OTUD4: variants seen among roughly 807,000 people sequenced by gnomAD.
The protein encoded by OTUD4 is OTU domain-containing protein 4.
In OTUD4, 24 loss-of-function variants were observed where a neutral mutation model predicts 130.4. That is an observed-to-expected ratio of 0.18 (90% CI 0.13 to 0.26). OTUD4 has a LOEUF of 0.26. Among genes scored for constraint, OTUD4 ranks in the 10% least tolerant of loss-of-function variants. The pLI, the probability that OTUD4 is intolerant of heterozygous loss-of-function variation, is 1.00. For synonymous variants in OTUD4, 420 were observed against 472.5 expected (o/e 0.89, Z 1.44); for missense variants, 1,031 against 1,329.4 (o/e 0.78, Z 3.49).
At chr4:145,155,810 C>A in intron 8 of OTUD4, 124 bp from the exon 9 acceptor site, 2 of 991,848 alleles carry the variant, frequency 2.0e-6, no homozygotes, top group East Asian at 2.6e-5. Context: ...GCCACCAAAT[C>A]AATTTCTGAG....
At chr4:145,165,776 C>G (rs755069453) in intron 3 of OTUD4, among the ~76,000 whole-genome samples, 1 of 152,054 alleles carries the variant, frequency 6.6e-6, no homozygotes, top group Admixed American at 6.5e-5. Flanking sequence ...GCGCCTGGCC[C>G]AAGTTGAGAA....
intron 3 of OTUD4, chr4:145,170,717 G>A (rs1378956046): frequency 2.6e-5 from 4 of 152,142 alleles, no homozygotes; most frequent in Admixed American, 6.5e-5. Flanking sequence ...ATCAGTCATC[G>A]ATCAAACACC....
At chr4:145,179,703 A>ACGCGCAGCCCCGGCCGTGGGCGGCC (rs1752598912) in intron 1 of OTUD4, 112 bp downstream of exon 1, 1 of 1,409,956 alleles carries the variant, frequency 7.1e-7, no homozygotes, top group Non-Finnish European at 9.2e-7. Context: ...CAGCCAGGGC[A>ACGCGCAGCCCCGGCCGTGGGCGGCC]CGCGCAGCCC....
chr4:145,178,800 T>G (rs1215271454), intron 1 of OTUD4, among the ~76,000 whole-genome samples: 1 of 152,088 alleles, frequency 6.6e-6, no homozygotes, highest in Admixed American at 6.5e-5. Context: ...AAATAGAAAT[T>G]TTAAAAGTTA....
rs914081719 is a variant in OTUD4 at position 145,159,751 on chromosome 4, A to T, written c.497-116T>A. The T allele has an allele frequency of 2.1e-5, 19 of 921,468 alleles. No homozygotes were observed. The African/African-American group carries it at 3.2e-4, about 15-fold the overall frequency. 57.1% of individuals were successfully genotyped at this position (921,468 alleles called of 1,614,324 possible). A position where few individuals can be genotyped will look rare whatever the true frequency, so the allele number is the denominator to read the frequency against. On this transcript the variant is annotated intron_variant, in intron 6 of 20. Coordinates refer to ENST00000447906, the MANE Select transcript of OTUD4 (RefSeq NM_001366057.1). ...CTCAGGCTTTTAAAATCCTGACTAG[A>T]TATCTGCTAAACCTTATGGTCAATA...
chr4:145,166,794 G>A (rs1751899781), intron 3 of OTUD4, among the ~76,000 whole-genome samples: 2 of 152,164 alleles, frequency 1.3e-5, no homozygotes, highest in Admixed American at 1.3e-4. Context: ...AGCCGAGATC[G>A]CGCTGCTGCA....
rs909234986 is a variant in OTUD4, at chr4:145,169,321, C to T, written c.294+2349G>A. Among the ~76,000 whole-genome samples, 22 of 152,134 alleles carry T rather than the reference C, an allele frequency of 1.4e-4. 1 individual carries two copies. Among genetic ancestry groups the T allele is most frequent in the African/African-American group, 5.3e-4 (22 of 41,420 alleles). On this transcript the variant is annotated intron_variant, in intron 3 of 20. Transcript: ENST00000447906. ...CTCAAAGCTGACAAAAACATATTCT[C>T]GCACAAGTTTGAAGTACCTTCAAAA...
At chr4:145,156,394 T>C (rs1212005285) in intron 7 of OTUD4, among the ~76,000 whole-genome samples, 1 of 152,150 alleles carries the variant, frequency 6.6e-6, no homozygotes, top group East Asian at 1.9e-4. Context: ...TTAAAAATAC[T>C]CTACATCAGC....
intron 1 of OTUD4, among the ~76,000 whole-genome samples, chr4:145,179,313 T>C (rs1752576389): frequency 6.6e-6 from 1 of 152,192 alleles, no homozygotes; most frequent in Non-Finnish European, 1.5e-5. Context: ...GTTTGCCCAT[T>C]TGATTCAAGT....
intron 7 of OTUD4, among the ~76,000 whole-genome samples, chr4:145,158,855 T>A (rs1326605674): frequency 1.3e-5 from 2 of 152,216 alleles, no homozygotes; most frequent in African/African-American, 4.8e-5. Flanking sequence ...ATATCCTAAT[T>A]TTAGAGTATT....
chr4:145,140,541 A>T lies in OTUD4; in HGVS notation c.2084-550T>A, dbSNP rs117564430. Among the ~76,000 whole-genome samples, 32 of 152,294 alleles carry T rather than the reference A, an allele frequency of 2.1e-4. 1 individual carries two copies. The East Asian group carries it at 6.2e-3, about 29-fold the overall frequency. ...GCATTACTCAAATTTACAGATATAA[A>T]ATTTTGGAAACTAAAAAGGAGGGAG... On this transcript the variant is annotated intron_variant, in intron 19 of 20. Coordinates refer to ENST00000447906, the MANE Select transcript of OTUD4 (RefSeq NM_001366057.1).
At position 145,138,614 on chromosome 4, in the gene OTUD4, G is replaced by A. The variant is rs1311426846; in HGVS notation, c.2161C>T (p.Leu721=). The change falls in exon 21 of 21, where the codon CTG becomes TTG. Residue 721 remains leucine, a synonymous_variant. Coordinates refer to ENST00000447906, the MANE Select transcript of OTUD4 (RefSeq NM_001366057.1). The part of the protein sequence containing the change: ...SCPMWAPHSY[L]YPLHQAYLAA... ...AGGTAGGCCTGGTGCAGAGGGTACA[G>A]GTAAGAATGTGGGGCCCACATAGGA... 2.5e-6 allele frequency: 4 copies of A among 1,613,394 alleles called. No homozygotes were observed. Among genetic ancestry groups the A allele is most frequent in the South Asian group, 2.2e-5 (2 of 90,988 alleles).
At chr4:145,153,528 AATT>A (rs1751156465) in intron 10 of OTUD4, among the ~76,000 whole-genome samples, 1 of 152,250 alleles carries the variant, frequency 6.6e-6, no homozygotes, top group South Asian at 2.1e-4. Context: ...CTATTATTAC[AATT>A]ATTATCTTCC....
chr4:145,178,833 GGAAAA>G (rs894835043), intron 1 of OTUD4, among the ~76,000 whole-genome samples: 1 of 152,114 alleles, frequency 6.6e-6, no homozygotes, highest in African/African-American at 2.4e-5. Flanking sequence ...AAAAGGTGAG[GGAAAA>G]GAAAACAGAA....
Position 145,139,986 on chromosome 4 carries a change from T to C in OTUD4, c.2089A>G (p.Asn697Asp). 1.2e-6 allele frequency: 1 copy of C among 806,690 alleles called. No homozygotes were observed. The highest frequency in any genetic ancestry group is 2.0e-6 in the Non-Finnish European group (1 of 511,008). The allele number at this position is 806,690 out of a possible 1,614,324, so 50.0% of individuals were successfully genotyped here. The change falls in exon 20 of 21, where the codon AAT becomes GAT. Residue 697 changes from asparagine to aspartate, a missense_variant. Physicochemically the swap from Asn to Asp is conservative, Grantham distance 23. This residue lies in a region of OTUD4 where 900 missense variants were observed against 1,095.9 expected (regional missense o/e 0.82). Transcript: ENST00000447906. Reference protein sequence around the residue: ...QTGEDLPKDKNILRFFFNLGV... With the variant: ...QTGEDLPKDKDILRFFFNLGV... ...AGATTGAAGAAGAATCGAAGAATATTCTTATCTAAAAATAAAAGTAATCAC... is the reference window on the plus strand; with the variant it reads ...AGATTGAAGAAGAATCGAAGAATATCCTTATCTAAAAATAAAAGTAATCAC...
Position 145,162,713 on chromosome 4 carries a change from C to T in OTUD4, c.423G>A (p.Leu141=), listed in dbSNP as rs1751640771. ...TENNFPEKVL[L]CFSNGNHYDI... ...CATAATGATTTCCATTTGAAAAACA[C>T]AGTAACACCTGAAAGGGAAAAATAA... is the stretch of plus-strand genomic sequence containing the variant. The change falls in exon 6 of 21, where the codon CTG becomes CTA. Residue 141 remains leucine, a synonymous_variant. Transcript: ENST00000447906. 1.3e-6 allele frequency: 2 copies of T among 1,528,390 alleles called. No individual in the cohort carries two copies. The highest frequency in any genetic ancestry group is 4.6e-5 in the East Asian group (2 of 43,336). The allele number at this position is 1,528,390 out of a possible 1,614,324, so 94.7% of individuals were successfully genotyped here.
rs374463520 is a variant in OTUD4 at position 145,138,069 on chromosome 4, A to T, written c.2706T>A (p.Asp902Glu). The T allele has an allele frequency of 8.7e-6, 14 of 1,614,034 alleles. No homozygotes were observed. The highest frequency in any genetic ancestry group is 1.2e-5 in the Non-Finnish European group (14 of 1,180,020). ...CATCTACTGTTGAAACTGAACCACA[A>T]TCTTTAGACAGATCCAGATTTTCCA... Reference protein sequence around the residue: ...LSLENLDLSKDCGSVSTVDEF... With the variant: ...LSLENLDLSKECGSVSTVDEF... The change falls in exon 21 of 21, where the codon GAT (aspartate) becomes GAA (glutamate). Residue 902 changes from aspartate to glutamate, a missense_variant. Asp to Glu is a conservative substitution (Grantham distance 45). This residue lies in a region of OTUD4 where 900 missense variants were observed against 1,095.9 expected (regional missense o/e 0.82). Coordinates refer to ENST00000447906, the MANE Select transcript of OTUD4 (RefSeq NM_001366057.1).
At chr4:145,144,150 A>T in intron 15 of OTUD4, 149 bp from the exon 16 acceptor site, 1 of 1,026,264 alleles carries the variant, frequency 9.7e-7, no homozygotes, top group Non-Finnish European at 1.5e-6. Flanking sequence ...AGCACTTAAC[A>T]TCCTTTAGCT....
At chr4:145,178,084 T>C (rs1008842691) in intron 1 of OTUD4, 7 of 152,352 alleles carry the variant, frequency 4.6e-5, no homozygotes, top group South Asian at 2.1e-4. Flanking sequence ...TAGTCCCTTA[T>C]GCCTAACCTA....
Sources: gnomAD v4.1 joint callset for allele counts (sites outside exome capture counted in the v4.1 genomes callset) on GRCh38, gnomAD v4.1.1 for gene constraint, gnomAD v4.1.1 regional missense constraint, MANE v1.5 for transcripts, NCBI Gene and HGNC (gene_info 2026-07-23, HGNC 2026-07-21) for gene names.